TFAP2D: variants seen among roughly 807,000 people sequenced by gnomAD.
The protein encoded by TFAP2D is transcription factor AP-2 delta.
A neutral mutation model predicts 43.6 loss-of-function variants in TFAP2D; 9 were observed. The observed-to-expected ratio is 0.21, with a 90% CI of 0.12 to 0.36. The LOEUF is 0.36. TFAP2D is among the 10% of genes least tolerant of loss of function. The pLI, the probability that TFAP2D is intolerant of heterozygous loss-of-function variation, is 1.00. For synonymous variants in TFAP2D, 256 were observed against 224.9 expected (o/e 1.14, Z -1.24); for missense variants, 513 against 561.4 (o/e 0.91, Z 0.87).
chr6:50,757,444 AC>A (rs1769290068), intron 7 of TFAP2D, among the ~76,000 whole-genome samples: 2 of 95,796 alleles, frequency 2.1e-5, no homozygotes, highest in South Asian at 2.9e-4. Flanking sequence ...GAATATATAT[AC>A]TTATTCTATA....
At chr6:50,714,795 G>T (rs1413963640) in intron 1 of TFAP2D, among the ~76,000 whole-genome samples, 2 of 152,046 alleles carry the variant, frequency 1.3e-5, no homozygotes, top group Non-Finnish European at 2.9e-5. Flanking sequence ...GCACAAGTTG[G>T]GCAGGGGCTG....
At chr6:50,767,370 T>C (rs1362600975) in intron 7 of TFAP2D, among the ~76,000 whole-genome samples, 2 of 152,200 alleles carry the variant, frequency 1.3e-5, no homozygotes, top group Non-Finnish European at 2.9e-5. Flanking sequence ...CCACTTGTAG[T>C]AAAAATCTGA....
At chr6:50,769,838 A>T (rs1270731753) in intron 7 of TFAP2D, among the ~76,000 whole-genome samples, 1 of 152,212 alleles carries the variant, frequency 6.6e-6, no homozygotes, top group Non-Finnish European at 1.5e-5. Context: ...AAATAATATT[A>T]TCTAGTTCTT....
intron 3 of TFAP2D, among the ~76,000 whole-genome samples, chr6:50,727,590 T>TA (rs1228299096): frequency 6.6e-6 from 1 of 152,196 alleles, no homozygotes; most frequent in Non-Finnish European, 1.5e-5. Flanking sequence ...TCTAACAAGT[T>TA]ACAAAGTAAA....
At chr6:50,736,202 A>G (rs2114043327) in intron 5 of TFAP2D, among the ~76,000 whole-genome samples, 1 of 152,262 alleles carries the variant, frequency 6.6e-6, no homozygotes, top group African/African-American at 2.4e-5. Flanking sequence ...AGTATATTTG[A>G]TATGAAAAGT....
Position 50,739,374 on chromosome 6 carries a change from A to C in TFAP2D, c.884-5733A>C, listed in dbSNP as rs180988875. On this transcript the variant is annotated intron_variant, in intron 5 of 7. Coordinates refer to ENST00000008391, the MANE Select transcript of TFAP2D (RefSeq NM_172238.4). ...GCTCAGAATGATGGTTTCCAGCTAC[A>C]TCCATGTCCCTACAAAGGACATGAA... is the stretch of plus-strand genomic sequence containing the variant. Among the ~76,000 whole-genome samples the C allele has an allele frequency of 9.1e-3, 1,379 of 152,222 alleles. 8 individuals are homozygous for C. The highest frequency in any genetic ancestry group is 0.015 in the Non-Finnish European group (995 of 68,022).
intron 2 of TFAP2D, among the ~76,000 whole-genome samples, chr6:50,716,139 GT>G (rs1459065580): frequency 6.6e-6 from 1 of 152,116 alleles, no homozygotes; most frequent in Non-Finnish European, 1.5e-5. Flanking sequence ...TAAGGAAATT[GT>G]TGGGACCCTA....
intron 5 of TFAP2D, among the ~76,000 whole-genome samples, chr6:50,735,014 T>A (rs949773296): frequency 6.6e-6 from 1 of 152,144 alleles, no homozygotes; most frequent in African/African-American, 2.4e-5. Context: ...GGAAGACACA[T>A]AACTTGTCTG....
chr6:50,747,150 A>G (rs1160196384), intron 6 of TFAP2D, among the ~76,000 whole-genome samples: 4 of 152,254 alleles, frequency 2.6e-5, no homozygotes, highest in South Asian at 2.1e-4. Flanking sequence ...TATCTTTACC[A>G]TGTACTCATT....
chr6:50,721,038 C>T (rs923271988), intron 3 of TFAP2D, among the ~76,000 whole-genome samples: 1 of 152,150 alleles, frequency 6.6e-6, no homozygotes, highest in Non-Finnish European at 1.5e-5. Context: ...AAGGGACACC[C>T]TCTCACCCCC....
chr6:50,713,933 T>A lies in TFAP2D; in HGVS notation c.-123T>A. 1 of 1,417,522 alleles carries A rather than the reference T, an allele frequency of 7.1e-7. No homozygotes were observed. The highest frequency in any genetic ancestry group is 9.9e-7 in the Non-Finnish European group (1 of 1,013,130). 87.8% of individuals were successfully genotyped at this position (1,417,522 alleles called of 1,614,324 possible). On this transcript the variant is annotated 5_prime_UTR_variant, in exon 1 of 8. Coordinates refer to ENST00000008391, the MANE Select transcript of TFAP2D (RefSeq NM_172238.4). Reference sequence around the variant, plus strand: ...GGGCAAAACCATTACAATTTAGATATCTACCTATAGAACATTTTTTTTTTC... The same window carrying A: ...GGGCAAAACCATTACAATTTAGATAACTACCTATAGAACATTTTTTTTTTC...
At chr6:50,768,354 G>A (rs536660151) in intron 7 of TFAP2D, among the ~76,000 whole-genome samples, 1 of 108,236 alleles carries the variant, frequency 9.2e-6, no homozygotes, top group South Asian at 3.1e-4. Context: ...TTTCTTTTGA[G>A]ATAGAGACTT....
At chr6:50,766,230 T>C (rs1255294465) in intron 7 of TFAP2D, among the ~76,000 whole-genome samples, 2 of 152,218 alleles carry the variant, frequency 1.3e-5, no homozygotes, top group Non-Finnish European at 2.9e-5. Context: ...ATGTGTCTGT[T>C]TTTATGCCAG....
At chr6:50,763,781 A>G (rs1290502391) in intron 7 of TFAP2D, among the ~76,000 whole-genome samples, 1 of 152,166 alleles carries the variant, frequency 6.6e-6, no homozygotes, top group Non-Finnish European at 1.5e-5. Context: ...GATTCAGTTT[A>G]TATGAAACTC....
chr6:50,720,117 C>T (rs984184720), intron 3 of TFAP2D, among the ~76,000 whole-genome samples: 4 of 152,172 alleles, frequency 2.6e-5, no homozygotes, highest in African/African-American at 9.7e-5. Flanking sequence ...AAGATGTGGT[C>T]TATTCACCAA....
chr6:50,751,043 C>A (rs1000086469), intron 6 of TFAP2D, among the ~76,000 whole-genome samples, 168 bp from the exon 7 acceptor site: 1 of 152,038 alleles, frequency 6.6e-6, no homozygotes, highest in Admixed American at 6.6e-5. Context: ...GCAAAGTCAC[C>A]ATTATGAAAC....
At chr6:50,754,008 C>T (rs970192942) in intron 7 of TFAP2D, among the ~76,000 whole-genome samples, 2 of 151,768 alleles carry the variant, frequency 1.3e-5, no homozygotes, top group African/African-American at 4.8e-5. Flanking sequence ...TAAAATTTGC[C>T]ATCTTAACCA....
At chr6:50,723,118 G>C (rs1487162860) in intron 3 of TFAP2D, among the ~76,000 whole-genome samples, 1 of 152,208 alleles carries the variant, frequency 6.6e-6, no homozygotes, top group African/African-American at 2.4e-5. Flanking sequence ...GCTTAGAGGT[G>C]ACTGGCACGC....
intron 3 of TFAP2D, among the ~76,000 whole-genome samples, chr6:50,726,712 C>T (rs539897185): frequency 6.6e-6 from 1 of 152,240 alleles, no homozygotes; most frequent in Non-Finnish European, 1.5e-5. Context: ...CTTTCCTGTT[C>T]ATCTAAAATT....
Sources: allele counts gnomAD v4.1 joint callset (sites outside exome capture counted in the v4.1 genomes callset), GRCh38; gene constraint gnomAD v4.1.1; transcripts MANE v1.5; gene names NCBI Gene and HGNC (gene_info 2026-07-23, HGNC 2026-07-21).